The following C11orf65 variants were observed in gnomAD, a reference collection of about 807,000 sequenced individuals.
C11orf65 encodes the protein protein MFI.
In C11orf65, 38 loss-of-function variants were observed where a neutral mutation model predicts 35.3. The observed-to-expected ratio is 1.08, with a 90% confidence interval of 0.83 to 1.41. The LOEUF is 1.41. C11orf65 is among the 40% of genes most tolerant of loss of function. The pLI is 0.00. For synonymous variants in C11orf65, 105 were observed against 114.4 expected (o/e 0.92, Z 0.53); for missense variants, 370 against 367.1 (o/e 1.01, Z -0.06).
intron 3 of C11orf65, among the ~76,000 whole-genome samples, chr11:108,408,803 G>GA (rs1370607879): frequency 6.6e-6 from 1 of 151,300 alleles, no homozygotes; most frequent in Non-Finnish European, 1.5e-5. Context: ...GGAAAGTAGA[G>GA]AAAAAAATTC....
rs181201162 is a variant in C11orf65, at chr11:108,335,477, T to C, written c.227-185A>G. On this transcript the variant is annotated intron_variant, in intron 2 of 3. Transcript: ENST00000524755. The stretch of plus-strand genomic sequence containing the variant: ...CCGGGTCTCGTACTGTGCCAAGTGC[T>C]ATTTAATGTACCAAAAAGGGAGAGC... Among the ~76,000 whole-genome samples, 21 of 152,296 alleles carry C rather than the reference T, an allele frequency of 1.4e-4. No homozygotes were observed. The East Asian group carries it at 2.9e-3, about 21-fold the overall frequency.
chr11:108,427,004 A>G (rs1013237413), intron 3 of C11orf65, among the ~76,000 whole-genome samples: 8 of 152,088 alleles, frequency 5.3e-5, no homozygotes, highest in African/African-American at 1.9e-4. Flanking sequence ...CTAAAACTGG[A>G]CCCCCCTTCC....
chr11:108,385,553 G>T (rs2091972275), intron 8 of C11orf65, among the ~76,000 whole-genome samples: 1 of 152,026 alleles, frequency 6.6e-6, no homozygotes, highest in Admixed American at 6.5e-5. Context: ...GTGGTGGCGG[G>T]TGCCTGTAGT....
At chr11:108,320,155 T>A in intron 6 of C11orf65, 1 of 932,098 alleles carries the variant, frequency 1.1e-6, no homozygotes, top group East Asian at 2.5e-5. Flanking sequence ...GGATTTGCAT[T>A]GATGAAGAGA....
intron 3 of C11orf65, among the ~76,000 whole-genome samples, chr11:108,423,597 C>G (rs1382823319): frequency 6.6e-6 from 1 of 152,190 alleles, no homozygotes; most frequent in Non-Finnish European, 1.5e-5. Flanking sequence ...ATCCCTGACC[C>G]CCATGCCTCC....
downstream of C11orf65, among the ~76,000 whole-genome samples, chr11:108,380,468 T>C (rs1254387509): frequency 1.3e-5 from 2 of 151,872 alleles, no homozygotes; most frequent in Non-Finnish European, 1.5e-5. Flanking sequence ...TCTTCACATA[T>C]CACTTTTATG....
intron 2 of C11orf65, among the ~76,000 whole-genome samples, chr11:108,451,330 T>C (rs2093344769): frequency 6.6e-6 from 1 of 151,944 alleles, no homozygotes; most frequent in South Asian, 2.1e-4. Context: ...AAAATCAATG[T>C]GCAAAAATCA....
At chr11:108,315,733 A>G (rs1474838938) in intron 6 of C11orf65, 14 of 875,000 alleles carry the variant, frequency 1.6e-5, no homozygotes, top group Non-Finnish European at 2.4e-5. Flanking sequence ...GTTGGGAGTT[A>G]CATATTGGTA....
chr11:108,342,420 A>G (rs970058326), intron 2 of C11orf65, among the ~76,000 whole-genome samples: 1 of 152,210 alleles, frequency 6.6e-6, no homozygotes, highest in Non-Finnish European at 1.5e-5. Flanking sequence ...AGAAATATAC[A>G]TATAGTATCC....
intron 2 of C11orf65, chr11:108,365,043 G>A (rs952745663): frequency 1.9e-6 from 3 of 1,604,310 alleles, no homozygotes; most frequent in African/African-American, 2.7e-5. Flanking sequence ...TGATTAAAAT[G>A]TACATTGTTC....
chr11:108,362,076 T>C (rs1412362018), intron 2 of C11orf65, among the ~76,000 whole-genome samples: 1 of 135,036 alleles, frequency 7.4e-6, no homozygotes, highest in Admixed American at 7.8e-5. Context: ...ATCCAGAATC[T>C]ACAATGAACT....
chr11:108,455,964 G>A (rs752476671), intron 2 of C11orf65, among the ~76,000 whole-genome samples: 9 of 151,862 alleles, frequency 5.9e-5, no homozygotes, highest in South Asian at 2.1e-4. Context: ...AGACCAGCAC[G>A]GGCAACACGG....
At chr11:108,321,777 ACT>A (rs2085250355) in intron 6 of C11orf65, among the ~76,000 whole-genome samples, 1 of 151,582 alleles carries the variant, frequency 6.6e-6, no homozygotes, top group Non-Finnish European at 1.5e-5. Context: ...ACAGAGCGAG[ACT>A]CTGTCTCAAA....
intron 2 of C11orf65, among the ~76,000 whole-genome samples, chr11:108,453,619 G>A (rs1460493647): frequency 6.6e-6 from 1 of 152,122 alleles, no homozygotes. Context: ...AAAATAAAAT[G>A]TTCTTTCAGA....
chr11:108,333,951 C>G lies in C11orf65; in HGVS notation c.299+1269G>C, dbSNP rs1555126304. On this transcript the variant is annotated intron_variant, in intron 3 of 3. Coordinates refer to the C11orf65 transcript ENST00000524755. ...TAAGAATTTAGAAGATGTTGTTGTC[C>G]CTACTATGGAAATTAAGGTAATTTG... 2 of 1,609,980 alleles carry G rather than the reference C, an allele frequency of 1.2e-6. No homozygotes were observed. The highest frequency in any genetic ancestry group is 2.7e-5 in the African/African-American group (2 of 74,730).
intron 6 of C11orf65, among the ~76,000 whole-genome samples, chr11:108,398,541 G>A (rs912972209): frequency 3.3e-5 from 5 of 152,234 alleles, no homozygotes; most frequent in East Asian, 1.9e-4. Flanking sequence ...TATGGATGAC[G>A]ATTGTGTTGA....
At position 108,312,448 on chromosome 11, in the gene C11orf65, A is replaced by C; in HGVS notation, c.641-3377T>G. On this transcript the variant is annotated intron_variant, in intron 6 of 6. Coordinates refer to the C11orf65 transcript ENST00000525729. ...TGAAGAAGGAAGCCAGAGTACAACT[A>C]TTTCTAGCTTGAGTGAAAAAAGTAA... The C allele has an allele frequency of 6.3e-7, 1 of 1,596,496 alleles. No individual in the cohort carries two copies. Among genetic ancestry groups the C allele is most frequent in the Non-Finnish European group, 8.6e-7 (1 of 1,164,272 alleles).
At chr11:108,352,155 T>C (rs1182861793) in intron 2 of C11orf65, among the ~76,000 whole-genome samples, 1 of 152,194 alleles carries the variant, frequency 6.6e-6, no homozygotes, top group Non-Finnish European at 1.5e-5. Flanking sequence ...ATCTCAACTT[T>C]AATGAAAAAT....
intron 2 of C11orf65, among the ~76,000 whole-genome samples, chr11:108,435,756 T>A (rs957732132): frequency 6.6e-6 from 1 of 152,078 alleles, no homozygotes; most frequent in Non-Finnish European, 1.5e-5. Flanking sequence ...CATTTTTTTC[T>A]TTTGTTTTCT....
Sources: allele counts gnomAD v4.1 joint callset (sites outside exome capture counted in the v4.1 genomes callset), GRCh38; gene constraint gnomAD v4.1.1; transcripts MANE v1.5; gene names NCBI Gene and HGNC (gene_info 2026-07-23, HGNC 2026-07-21).